SUN1: variants seen among roughly 807,000 people sequenced by gnomAD.
SUN1 encodes Sad1 and UNC84 domain containing 1.
Under a neutral mutation model 103.2 loss-of-function variants are expected in SUN1, and 61 were observed. The observed-to-expected ratio is 0.59, with a 90% CI of 0.48 to 0.73. SUN1 has a LOEUF of 0.73. Ranked by LOEUF, SUN1 falls within the 30% of genes least tolerant of loss-of-function variation. The pLI is 0.00. For missense variants in SUN1, 1,052 were observed against 1,034.6 expected, an observed-to-expected ratio of 1.02 and a Z score of -0.23; for synonymous variants, 490 against 425.7, an observed-to-expected ratio of 1.15 and a Z score of -1.86.
intron 2 of SUN1, among the ~76,000 whole-genome samples, chr7:840,280 A>C (rs930883182): frequency 1.3e-5 from 2 of 152,254 alleles, no homozygotes; most frequent in Non-Finnish European, 2.9e-5. Context: ...GTGTGAGTTC[A>C]TGATGCAGCT....
At chr7:843,922 C>T (rs1584608500) in intron 5 of SUN1, 23 of 1,123,004 alleles carry the variant, frequency 2.0e-5, no homozygotes, top group South Asian at 2.8e-5. Flanking sequence ...TGCCAGTGTT[C>T]GTGTCGGGAA....
chr7:832,766 C>T (rs200102539), intron 1 of SUN1, among the ~76,000 whole-genome samples, 165 bp downstream of exon 1: 1 of 152,144 alleles, frequency 6.6e-6, no homozygotes, highest in Non-Finnish European at 1.5e-5. Context: ...GTGGTTTTTT[C>T]TTACGGCTTT....
chr7:854,892 C>A, intron 10 of SUN1, 28 bp from the exon 11 acceptor site: 4 of 1,559,522 alleles, frequency 2.6e-6, no homozygotes, highest in Non-Finnish European at 3.5e-6. Flanking sequence ...CTTTCTCCAT[C>A]ATTTGTTCAC....
At chr7:871,773 C>T (rs1841872513) in intron 17 of SUN1, among the ~76,000 whole-genome samples, 1 of 152,222 alleles carries the variant, frequency 6.6e-6, no homozygotes, top group Admixed American at 6.5e-5. Context: ...ATTTCTTATC[C>T]CTAGAAGTCC....
upstream of SUN1, chr7:816,184 GA>G (rs1780358834): frequency 4.0e-6 from 1 of 251,578 alleles, no homozygotes; most frequent in Non-Finnish European, 6.8e-6. Flanking sequence ...CCGCGATGCA[GA>G]CCCCTCCCCC....
chr7:841,875 G>A lies in SUN1; in HGVS notation c.267-71G>A, dbSNP rs562530676. 273 of 1,510,304 alleles carry A rather than the reference G, an allele frequency of 1.8e-4. 5 individuals are homozygous for A. The South Asian group carries it at 3.0e-3, about 17-fold the overall frequency. 93.6% of individuals were successfully genotyped at this position (1,510,304 alleles called of 1,614,324 possible). ...GTTTATTCCCAGATTAAGAGTTTGT[G>A]TTGGTCAAATGTAATCATTTTGTAT... is the stretch of plus-strand genomic sequence containing the variant. On this transcript the variant is annotated intron_variant, in intron 2 of 18. Transcript: ENST00000401592.
intron 1 of SUN1, among the ~76,000 whole-genome samples, chr7:822,951 C>T (rs1436661016): frequency 6.6e-5 from 10 of 151,902 alleles, no homozygotes; most frequent in African/African-American, 2.4e-4. Context: ...TGTGGCCACC[C>T]GTGAATTCCC....
At chr7:859,187 C>T (rs1043901423) in intron 13 of SUN1, among the ~76,000 whole-genome samples, 5 of 151,718 alleles carry the variant, frequency 3.3e-5, no homozygotes, top group African/African-American at 4.8e-5. Context: ...AAAAGCATGT[C>T]ACCGTGCTAT....
At chr7:852,448 G>A in intron 7 of SUN1, 161 bp from the exon 8 acceptor site, 3 of 772,366 alleles carry the variant, frequency 3.9e-6, no homozygotes, top group Non-Finnish European at 6.4e-6. Context: ...TTTACATGAA[G>A]GTTCTCCTGA....
At chr7:862,257 T>C (rs1423083209) in intron 15 of SUN1, among the ~76,000 whole-genome samples, 2 of 151,918 alleles carry the variant, frequency 1.3e-5, no homozygotes, top group African/African-American at 4.9e-5. Flanking sequence ...TACACGTTAG[T>C]GTGTGGAGGG....
intron 1 of SUN1, among the ~76,000 whole-genome samples, chr7:821,158 C>CTTTTTTTTT (rs71546461): frequency 1.6e-4 from 11 of 69,000 alleles, no homozygotes; most frequent in South Asian, 5.3e-4. Flanking sequence ...TTCAGCACAT[C>CTTTTTTTTT]TTTTTTTTTT....
At chr7:843,184 G>T in intron 3 of SUN1, 22 bp from the exon 4 acceptor site, 2 of 1,588,528 alleles carry the variant, frequency 1.3e-6, no homozygotes. Flanking sequence ...AAATGTGTGT[G>T]TGTGTGTGTT....
chr7:826,673 C>T (rs1361944054), intron 1 of SUN1, among the ~76,000 whole-genome samples: 1 of 152,140 alleles, frequency 6.6e-6, no homozygotes, highest in Non-Finnish European at 1.5e-5. Flanking sequence ...CCAAGGCTTG[C>T]GGGATCCGTG....
intron 14 of SUN1, among the ~76,000 whole-genome samples, chr7:860,828 T>C (rs1308790524): frequency 2.0e-5 from 3 of 152,196 alleles, no homozygotes; most frequent in Non-Finnish European, 4.4e-5. Context: ...TCGTGTCTTA[T>C]ATGGCAGCAG....
chr7:839,122 C>G (rs1806453459), intron 2 of SUN1, 136 bp downstream of exon 2: 1 of 815,682 alleles, frequency 1.2e-6, no homozygotes, highest in Non-Finnish European at 1.7e-6. Flanking sequence ...TACAGACACA[C>G]AAACCTGTCA....
Position 851,930 on chromosome 7 carries a change from T to A in SUN1, c.758-20T>A. The A allele has an allele frequency of 1.2e-6, 2 of 1,610,652 alleles. No homozygotes were observed. Among genetic ancestry groups the A allele is most frequent in the Non-Finnish European group, 8.5e-7 (1 of 1,177,472 alleles). On this transcript the variant is annotated intron_variant, in intron 6 of 18. Transcript: ENST00000401592. ...TTCCTAAAAACATTTCCTTAGAATG[T>A]TTGGTGTTTTCTCTTGTAGGGAAGG...
chr7:852,388 C>T (rs1001883055), intron 7 of SUN1: 3 of 624,200 alleles, frequency 4.8e-6, no homozygotes, highest in Non-Finnish European at 5.6e-6. Flanking sequence ...GTAGCTCAGG[C>T]CATTCCCACA....
intron 16 of SUN1, 113 bp downstream of exon 16, chr7:866,180 A>G: frequency 4.6e-6 from 4 of 870,860 alleles, no homozygotes; most frequent in Non-Finnish European, 7.3e-6. Context: ...ACGTCTGTGG[A>G]ACTGGTACCA....
At chr7:818,802 G>T (rs1410501017) in intron 1 of SUN1, among the ~76,000 whole-genome samples, 1 of 151,968 alleles carries the variant, frequency 6.6e-6, no homozygotes, top group South Asian at 2.1e-4. Flanking sequence ...ATTGTTTCAT[G>T]TTCATGTTGG....
Sources: allele counts gnomAD v4.1 joint callset (sites outside exome capture counted in the v4.1 genomes callset), GRCh38; gene constraint gnomAD v4.1.1; transcripts MANE v1.5; gene names NCBI Gene and HGNC (gene_info 2026-07-23, HGNC 2026-07-21).